ADAMTS17: variants seen among roughly 807,000 people sequenced by gnomAD.
ADAMTS17 encodes A disintegrin and metalloproteinase with thrombospondin motifs 17.
ADAMTS17 carries 113 observed loss-of-function variants against 141.5 expected under a neutral mutation model. That is an observed-to-expected ratio of 0.80 (90% confidence interval 0.69 to 0.93). ADAMTS17 has a LOEUF of 0.93. Among genes scored for constraint, ADAMTS17 ranks in the 40% least tolerant of loss-of-function variants. The pLI, the probability that ADAMTS17 is intolerant of heterozygous loss-of-function variation, is 0.00. For synonymous variants in ADAMTS17, 768 were observed against 630.6 expected (o/e 1.22, Z -3.27); for missense variants, 1,659 against 1,517.9 (o/e 1.09, Z -1.54).
At chr15:100,101,699 C>T (rs2036112129) in intron 14 of ADAMTS17, among the ~76,000 whole-genome samples, 1 of 152,216 alleles carries the variant, frequency 6.6e-6, no homozygotes, top group Non-Finnish European at 1.5e-5. Flanking sequence ...CAAATGATGA[C>T]CTCTTATCAA....
intron 20 of ADAMTS17, among the ~76,000 whole-genome samples, chr15:99,989,010 C>G (rs956203525): frequency 6.6e-6 from 1 of 152,180 alleles, no homozygotes; most frequent in Non-Finnish European, 1.5e-5. Context: ...AATGGTGATG[C>G]TGAGGACAGC....
chr15:100,011,403 G>A (rs2061177721), intron 18 of ADAMTS17, among the ~76,000 whole-genome samples: 1 of 86,314 alleles, frequency 1.2e-5, no homozygotes, highest in Non-Finnish European at 2.4e-5. Context: ...AGGGAAGGAA[G>A]GAGGAAAGGA....
chr15:100,330,831 A>C, intron 3 of ADAMTS17, 58 bp downstream of exon 3: 1 of 1,597,848 alleles, frequency 6.3e-7, no homozygotes, highest in Non-Finnish European at 8.6e-7. Context: ...TTGGAGACAC[A>C]CAAAGGATGT....
chr15:100,139,162 T>C (rs1336077201), intron 10 of ADAMTS17, among the ~76,000 whole-genome samples: 1 of 151,534 alleles, frequency 6.6e-6, no homozygotes, highest in Non-Finnish European at 1.5e-5. Context: ...TGTTAAACAA[T>C]ACAAGAAAAA....
At position 100,102,568 on chromosome 15, in the gene ADAMTS17, G is replaced by T. The variant is rs148739191; in HGVS notation, c.2017-6092C>A. ...CTACATTTGAAGGCCGACCGAAGGG[G>T]CTCTACATTTGAAGGCCTACTGAAG... On this transcript the variant is annotated intron_variant, in intron 14 of 21. Coordinates refer to ENST00000268070, the MANE Select transcript of ADAMTS17 (RefSeq NM_139057.4). Among the ~76,000 whole-genome samples the T allele has an allele frequency of 9.5e-4, 143 of 150,628 alleles. 3 individuals carry two copies. The highest frequency in any genetic ancestry group is 3.3e-3 in the African/African-American group (135 of 40,796).
At chr15:100,335,308 C>G (rs1233688020) in intron 2 of ADAMTS17, among the ~76,000 whole-genome samples, 1 of 152,180 alleles carries the variant, frequency 6.6e-6, no homozygotes, top group Non-Finnish European at 1.5e-5. Context: ...GTTCCTCTAC[C>G]CCCATCTCTC....
chr15:100,186,591 C>T lies in ADAMTS17; in HGVS notation c.1181+12727G>A, dbSNP rs189550908. 6.6e-5 allele frequency among the ~76,000 whole-genome samples: 10 copies of T among 152,284 alleles called. No homozygotes were observed. In the Middle Eastern group the frequency reaches 0.014, roughly 207 times the overall value. ...TCAAACAAGCAGTGATTCCAGCGCCCGGGGCAGGCAGGAAGCAACTCTCTC... is the reference window on the plus strand; with the variant it reads ...TCAAACAAGCAGTGATTCCAGCGCCTGGGGCAGGCAGGAAGCAACTCTCTC... On this transcript the variant is annotated intron_variant, in intron 8 of 21. Coordinates refer to ENST00000268070, the MANE Select transcript of ADAMTS17 (RefSeq NM_139057.4).
chr15:100,108,193 A>G (rs28528828), intron 14 of ADAMTS17, among the ~76,000 whole-genome samples: 7,165 of 150,474 alleles, frequency 0.048, 564 homozygotes, highest in African/African-American at 0.16. Flanking sequence ...TCCCCCCGAG[A>G]CGGAGTCTTG....
chr15:100,195,613 C>CAAAAAAAAAAAAAAAA, intron 8 of ADAMTS17, among the ~76,000 whole-genome samples: 1 of 63,648 alleles, frequency 1.6e-5, no homozygotes, highest in Non-Finnish European at 3.0e-5. Context: ...TGTTTGGTCT[C>CAAAAAAAAAAAAAAAA]AAAAAAAAAA....
chr15:100,078,456 A>G (rs531202952), intron 15 of ADAMTS17, among the ~76,000 whole-genome samples: 1 of 152,296 alleles, frequency 6.6e-6, no homozygotes, highest in East Asian at 1.9e-4. Flanking sequence ...GGTGCCAAGA[A>G]TATTCATCGG....
chr15:100,037,945 T>A (rs1375422037), intron 18 of ADAMTS17, among the ~76,000 whole-genome samples: 1 of 149,274 alleles, frequency 6.7e-6, no homozygotes, highest in Non-Finnish European at 1.5e-5. Context: ...GCTAATTTTG[T>A]ATTTTTTTTT....
intron 4 of ADAMTS17, among the ~76,000 whole-genome samples, 175 bp downstream of exon 4, chr15:100,281,054 G>T (rs1343379364): frequency 6.6e-6 from 1 of 152,148 alleles, no homozygotes; most frequent in African/African-American, 2.4e-5. Flanking sequence ...TCTTCCATCG[G>T]GATGTCCCCC....
chr15:100,082,333 G>T (rs1295507074), intron 15 of ADAMTS17, among the ~76,000 whole-genome samples: 3 of 151,744 alleles, frequency 2.0e-5, no homozygotes, highest in African/African-American at 7.3e-5. Context: ...CAAAGTGCTG[G>T]GATTACAGGC....
At chr15:100,227,947 C>A (rs2042361181) in intron 7 of ADAMTS17, among the ~76,000 whole-genome samples, 1 of 152,218 alleles carries the variant, frequency 6.6e-6, no homozygotes, top group Non-Finnish European at 1.5e-5. Flanking sequence ...GACCTTGCTC[C>A]CACTGCAGTA....
chr15:100,047,261 T>C (rs1035722188), intron 18 of ADAMTS17, among the ~76,000 whole-genome samples: 10 of 132,066 alleles, frequency 7.6e-5, no homozygotes, highest in Admixed American at 1.6e-4. Flanking sequence ...TGCCCGAAAC[T>C]TCATTAGCAA....
intron 18 of ADAMTS17, among the ~76,000 whole-genome samples, chr15:100,004,337 T>G (rs116715416): frequency 6.6e-6 from 1 of 152,212 alleles, no homozygotes; most frequent in East Asian, 1.9e-4. Flanking sequence ...ACTTCTTTTT[T>G]TGGTGGCATA....
intron 6 of ADAMTS17, among the ~76,000 whole-genome samples, chr15:100,258,484 T>C (rs2043403335): frequency 6.6e-6 from 1 of 152,178 alleles, no homozygotes; most frequent in South Asian, 2.1e-4. Flanking sequence ...GCACTTATAG[T>C]TCCACATGGC....
chr15:100,113,043 G>A (rs2036889078), intron 13 of ADAMTS17, among the ~76,000 whole-genome samples: 1 of 152,104 alleles, frequency 6.6e-6, no homozygotes, highest in Non-Finnish European at 1.5e-5. Flanking sequence ...CCTCTGTGGG[G>A]GACACATGCT....
At chr15:100,321,218 C>G (rs377657528) in intron 3 of ADAMTS17, among the ~76,000 whole-genome samples, 28 of 152,116 alleles carry the variant, frequency 1.8e-4, no homozygotes, top group African/African-American at 6.0e-4. Context: ...CAAATTTCCA[C>G]ACCAGTGGAA....
Sources: gnomAD v4.1 joint callset for allele counts (sites outside exome capture counted in the v4.1 genomes callset) on GRCh38, gnomAD v4.1.1 for gene constraint, MANE v1.5 for transcripts, NCBI Gene and HGNC (gene_info 2026-07-23, HGNC 2026-07-21) for gene names.